The following CRPPA variants were observed in gnomAD, a reference collection of about 807,000 sequenced individuals.
CRPPA encodes D-ribitol-5-phosphate cytidylyltransferase.
CRPPA carries 43 observed loss-of-function variants against 52.0 expected under a neutral mutation model. The ratio of observed to expected loss-of-function variants is 0.83; its 90% CI spans 0.65 to 1.07. The LOEUF is 1.07. Ranked by LOEUF, CRPPA falls within the 50% of genes least tolerant of loss-of-function variation. CRPPA has a pLI of 0.00. For synonymous variants in CRPPA, 250 were observed against 203.5 expected, an observed-to-expected ratio of 1.23 and a Z score of -1.94; for missense variants, 629 against 551.7, an observed-to-expected ratio of 1.14 and a Z score of -1.40.
intron 6 of CRPPA, among the ~76,000 whole-genome samples, chr7:16,276,122 CG>C (rs1362988456): frequency 6.6e-6 from 1 of 151,324 alleles, no homozygotes; most frequent in Admixed American, 6.6e-5. Flanking sequence ...AAATAAAAGA[CG>C]GGAAGTAAGA....
At chr7:16,375,446 T>C (rs1365429358) in intron 3 of CRPPA, among the ~76,000 whole-genome samples, 1 of 152,144 alleles carries the variant, frequency 6.6e-6, no homozygotes, top group Non-Finnish European at 1.5e-5. Flanking sequence ...CCAGAAGCAA[T>C]CCAGTAATAT....
chr7:16,095,668 G>C (rs553090889), intron 9 of CRPPA, among the ~76,000 whole-genome samples: 1 of 152,238 alleles, frequency 6.6e-6, no homozygotes, highest in South Asian at 2.1e-4. Flanking sequence ...CATGCTGAGA[G>C]CTTTTTTCCA....
chr7:16,289,332 G>C (rs1266169681), intron 5 of CRPPA, among the ~76,000 whole-genome samples: 1 of 152,096 alleles, frequency 6.6e-6, no homozygotes, highest in African/African-American at 2.4e-5. Context: ...TGAAGAGAAG[G>C]AAATTCTTCC....
intron 8 of CRPPA, among the ~76,000 whole-genome samples, chr7:16,241,910 C>T (rs1394217919): frequency 6.7e-6 from 1 of 148,156 alleles, no homozygotes; most frequent in East Asian, 2.0e-4. Flanking sequence ...ATTCTTACGG[C>T]CTATAAATCT....
chr7:16,311,887 T>C (rs1210925188), intron 3 of CRPPA, among the ~76,000 whole-genome samples: 7 of 152,094 alleles, frequency 4.6e-5, no homozygotes, highest in African/African-American at 1.2e-4. Context: ...CTTTGCTATA[T>C]TGTATATTGC....
chr7:16,092,369 TAGAAAC>T (rs1344296820), intron 9 of CRPPA, among the ~76,000 whole-genome samples: 3 of 152,136 alleles, frequency 2.0e-5, no homozygotes, highest in Non-Finnish European at 2.9e-5. Flanking sequence ...GAAGGGAAAA[TAGAAAC>T]AGAGCTAATA....
intron 8 of CRPPA, among the ~76,000 whole-genome samples, chr7:16,247,255 T>C (rs954322159): frequency 6.6e-6 from 1 of 152,220 alleles, no homozygotes; most frequent in South Asian, 2.1e-4. Flanking sequence ...TGAAGGGAAT[T>C]AGGGCCTTCC....
chr7:16,179,270 T>G (rs1378740931), intron 9 of CRPPA, among the ~76,000 whole-genome samples: 1 of 152,114 alleles, frequency 6.6e-6, no homozygotes, highest in African/African-American at 2.4e-5. Context: ...GCTGCATTTT[T>G]AAAAAGTAGT....
intron 3 of CRPPA, among the ~76,000 whole-genome samples, chr7:16,351,202 C>T (rs990269544): frequency 1.3e-5 from 2 of 151,964 alleles, no homozygotes; most frequent in Non-Finnish European, 2.9e-5. Flanking sequence ...AACCGGCTAC[C>T]CATATGCTGA....
At chr7:16,257,436 A>G (rs921583365) in intron 8 of CRPPA, among the ~76,000 whole-genome samples, 1 of 152,106 alleles carries the variant, frequency 6.6e-6, no homozygotes, top group African/African-American at 2.4e-5. Context: ...GATCAATTAC[A>G]TAAGAAGCTT....
At chr7:16,188,496 T>A (rs1211111284) in intron 9 of CRPPA, among the ~76,000 whole-genome samples, 1 of 152,200 alleles carries the variant, frequency 6.6e-6, no homozygotes, top group Non-Finnish European at 1.5e-5. Flanking sequence ...GTTATTAATA[T>A]CAAAGACTTA....
At chr7:16,358,320 C>G (rs1368181956) in intron 3 of CRPPA, among the ~76,000 whole-genome samples, 1 of 152,098 alleles carries the variant, frequency 6.6e-6, no homozygotes, top group East Asian at 1.9e-4. Context: ...ATGTCTTAAG[C>G]AAGGGAGATG....
At chr7:16,308,648 A>ACAT in intron 3 of CRPPA, 21 bp from the exon 4 acceptor site, 1 of 1,363,988 alleles carries the variant, frequency 7.3e-7, no homozygotes, top group East Asian at 2.3e-5. Flanking sequence ...AACAACAACA[A>ACAT]CAACAATTAA....
intron 8 of CRPPA, among the ~76,000 whole-genome samples, chr7:16,244,145 T>C (rs1393530840): frequency 2.0e-5 from 3 of 152,192 alleles, no homozygotes; most frequent in Admixed American, 2.0e-4. Flanking sequence ...ATTTTTTTTT[T>C]CTGCTCTTCA....
At chr7:16,163,341 C>CT (rs1014208571) in intron 9 of CRPPA, among the ~76,000 whole-genome samples, 54 of 145,818 alleles carry the variant, frequency 3.7e-4, no homozygotes, top group Admixed American at 4.8e-4. Context: ...GCAACCCCTG[C>CT]TTTTTTTTTT....
At chr7:16,132,148 C>CCTGGTCCCTGGTG (rs1562519760) in intron 9 of CRPPA, among the ~76,000 whole-genome samples, 2 of 127,918 alleles carry the variant, frequency 1.6e-5, no homozygotes, top group African/African-American at 2.5e-5. Flanking sequence ...AATATGGAAC[C>CCTGGTCCCTGGTG]AAAGAGTGAT....
At chr7:16,298,738 G>C (rs1418426472) in intron 5 of CRPPA, among the ~76,000 whole-genome samples, 1 of 152,170 alleles carries the variant, frequency 6.6e-6, no homozygotes. Flanking sequence ...GGTGTTTCCA[G>C]AACAGATTAA....
In CRPPA at chr7:16,352,854, AG is replaced by A. The variant is rs150728746; in HGVS notation, c.684+23237del. Among the ~76,000 whole-genome samples the A allele has an allele frequency of 6.1e-3, 921 of 151,114 alleles. 10 individuals carry two copies. The highest frequency in any genetic ancestry group is 0.021 in the African/African-American group (877 of 41,044). On this transcript the variant is annotated intron_variant, in intron 3 of 9. Coordinates refer to ENST00000407010, the MANE Select transcript of CRPPA (RefSeq NM_001101426.4). ...ATATGGAAACAACTTAAGCGACCAA[AG>A]GTCACAAGGATTTAAGTAACATGGC... is the stretch of plus-strand genomic sequence containing the variant.
intron 6 of CRPPA, among the ~76,000 whole-genome samples, chr7:16,272,539 T>A (rs935618953): frequency 6.6e-6 from 1 of 152,212 alleles, no homozygotes; most frequent in Non-Finnish European, 1.5e-5. Context: ...ACACATTCCT[T>A]TCAAAGTAGG....
Sources: allele counts gnomAD v4.1 joint callset (sites outside exome capture counted in the v4.1 genomes callset), GRCh38; gene constraint gnomAD v4.1.1; transcripts MANE v1.5; gene names NCBI Gene and HGNC (gene_info 2026-07-23, HGNC 2026-07-21).